IQSEC1: variants seen among roughly 807,000 people sequenced by gnomAD.
IQSEC1 encodes IQ motif and Sec7 domain ArfGEF 1, also known as IQ motif and SEC7 domain-containing protein 1.
A neutral mutation model predicts 91.0 loss-of-function variants in IQSEC1; 31 were observed. The ratio of observed to expected loss-of-function variants is 0.34; its 90% confidence interval spans 0.26 to 0.46. The LOEUF (loss-of-function observed/expected upper bound fraction) is 0.46, where lower values mean the gene tolerates loss of function less well. Ranked by LOEUF, IQSEC1 falls within the 20% of genes least tolerant of loss-of-function variation. IQSEC1 has a pLI of 1.00. For missense variants in IQSEC1, 1,388 were observed against 1,575.6 expected (o/e 0.88, Z 2.02); for synonymous variants, 699 against 662.6 (o/e 1.05, Z -0.84).
At chr3:13,180,514 G>T (rs1329740256) in intron 1 of IQSEC1, among the ~76,000 whole-genome samples, 2 of 152,104 alleles carry the variant, frequency 1.3e-5, no homozygotes, top group Non-Finnish European at 2.9e-5. Context: ...GGATGTGGGT[G>T]GGGCCAGATA....
intron 1 of IQSEC1, among the ~76,000 whole-genome samples, chr3:13,171,381 C>A (rs1427201025): frequency 1.3e-5 from 2 of 152,166 alleles, no homozygotes; most frequent in Non-Finnish European, 2.9e-5. Flanking sequence ...AGGCTTAAAC[C>A]ATTTGTACCT....
At position 13,178,332 on chromosome 3, in the gene IQSEC1, G is replaced by A. The variant is rs542011087; in HGVS notation, c.273-14199C>T. The stretch of plus-strand genomic sequence containing the variant: ...AATCAGCAAATGAGCAAATAAAGAG[G>A]CAATTTCAGACACTGGGAAGTGCTA... On this transcript the variant is annotated intron_variant, in intron 1 of 15. Coordinates refer to the IQSEC1 transcript ENST00000648114. Among the ~76,000 whole-genome samples, 6 of 152,336 alleles carry A rather than the reference G, an allele frequency of 3.9e-5. No individual in the cohort carries two copies. In the South Asian group the frequency reaches 1.2e-3, roughly 32 times the overall value.
intron 1 of IQSEC1, among the ~76,000 whole-genome samples, chr3:12,968,341 C>G (rs1227449596): frequency 6.6e-6 from 1 of 152,094 alleles, no homozygotes; most frequent in Non-Finnish European, 1.5e-5. Flanking sequence ...GCTTCTTTCT[C>G]CCTAAGCCCA....
chr3:13,018,333 C>T (rs1576172815), intron 1 of IQSEC1, among the ~76,000 whole-genome samples: 1 of 152,274 alleles, frequency 6.6e-6, no homozygotes, highest in South Asian at 2.1e-4. Flanking sequence ...CAGATGCAGC[C>T]ACGGTGGGAA....
At chr3:12,920,902 G>A (rs902798127) in intron 5 of IQSEC1, among the ~76,000 whole-genome samples, 2 of 152,206 alleles carry the variant, frequency 1.3e-5, no homozygotes, top group East Asian at 3.9e-4. Context: ...CATGTGATGT[G>A]AGTGCCTGTA....
At chr3:13,045,741 G>A (rs1051220892) in intron 1 of IQSEC1, among the ~76,000 whole-genome samples, 1 of 152,262 alleles carries the variant, frequency 6.6e-6, no homozygotes, top group African/African-American at 2.4e-5. Context: ...AGTGGCGCCC[G>A]TGGCATGGGT....
In IQSEC1 at chr3:12,898,762, T is replaced by A. The variant is rs1462014682; in HGVS notation, c.*2221A>T. 1 of 152,874 alleles carries A rather than the reference T, an allele frequency of 6.5e-6. No individual in the cohort carries two copies. The highest frequency in any genetic ancestry group is 1.5e-5 in the Non-Finnish European group (1 of 68,572). The allele number at this position is 152,874 out of a possible 1,614,324, so 9.5% of individuals were successfully genotyped here. On this transcript the variant is annotated 3_prime_UTR_variant, in exon 14 of 14. Transcript: ENST00000613206. Reference sequence around the variant, plus strand: ...ATGTGTTTACAGTCACGCCAATACATTTTGCAAACGCACAACACGCAGAGC... The same window carrying A: ...ATGTGTTTACAGTCACGCCAATACAATTTGCAAACGCACAACACGCAGAGC...
chr3:12,903,251 G>A (rs748811318), intron 12 of IQSEC1, among the ~76,000 whole-genome samples: 14 of 152,184 alleles, frequency 9.2e-5, no homozygotes, highest in African/African-American at 1.4e-4. Context: ...GGTACTGCAT[G>A]CCTACCTTCA....
At position 12,901,175 on chromosome 3, in the gene IQSEC1, G is replaced by T; in HGVS notation, c.3153C>A (p.His1051Gln). Residue 1051 changes from histidine to glutamine, a missense_variant, in exon 14 of 14, where the codon CAC (histidine) becomes CAA (glutamine). Physicochemically the swap from His to Gln is conservative, Grantham distance 24 (BLOSUM62 0). This residue lies in a region of IQSEC1 where 329 missense variants were observed against 257.8 expected (regional missense o/e 1.28). Coordinates refer to ENST00000613206, the MANE Select transcript of IQSEC1 (RefSeq NM_001134382.3). ...GGTGGTACTGGTGTGCGTGCTGGAT[G>T]TGCTGGGGTGGGTGGTGGTGGTGGT... is the stretch of plus-strand genomic sequence containing the variant. ...HHHHHHHPPQ[H>Q]IQHAHQYHHG... The T allele has an allele frequency of 6.5e-7, 1 of 1,543,726 alleles. No individual in the cohort carries two copies.
chr3:12,992,339 G>A lies in IQSEC1; in HGVS notation c.24-50474C>T, dbSNP rs865935698. ...CACCTCTCAGTTTATCTTTTCCTGT[G>A]GGGGGTGGGGGGTGGGAGGAGATGG... On this transcript the variant is annotated intron_variant, in intron 1 of 13. Transcript: ENST00000613206. This position sits in a 1 kb window ranked among gnomAD's most constrained non-coding sequence, Gnocchi z 4.1. Among the ~76,000 whole-genome samples the A allele has an allele frequency of 5.0e-5, 6 of 120,206 alleles. No individual in the cohort carries two copies. In the South Asian group the frequency reaches 9.8e-4, roughly 20 times the overall value. The allele number at this position is 120,206 out of a possible 152,430, so 78.9% of individuals were successfully genotyped here. A position where few individuals can be genotyped will look rare whatever the true frequency, so the allele number is the denominator to read the frequency against.
In IQSEC1 at chr3:12,934,449, C is replaced by T. The variant is rs143709446; in HGVS notation, c.1568+999G>A. Among the ~76,000 whole-genome samples, 1,044 of 152,296 alleles carry T rather than the reference C, an allele frequency of 6.9e-3. 16 individuals carry two copies. The highest frequency in any genetic ancestry group is 0.024 in the African/African-American group (1,010 of 41,562). ...AACAGGGGGCAGACGGAGCAGGGAG[C>T]CAGCTCAGGCACTGGCTTTGAGGTG... is the stretch of plus-strand genomic sequence containing the variant. On this transcript the variant is annotated intron_variant, in intron 3 of 13. Coordinates refer to ENST00000613206, the MANE Select transcript of IQSEC1 (RefSeq NM_001134382.3).
chr3:13,053,891 C>T (rs1423577054), intron 1 of IQSEC1, among the ~76,000 whole-genome samples: 1 of 152,262 alleles, frequency 6.6e-6, no homozygotes, highest in Non-Finnish European at 1.5e-5. Context: ...ATAAAATTAT[C>T]CACCATTCCA....
At chr3:12,913,139 GC>G (rs1488462826) in intron 9 of IQSEC1, among the ~76,000 whole-genome samples, 1 of 152,246 alleles carries the variant, frequency 6.6e-6, no homozygotes, top group Non-Finnish European at 1.5e-5. Flanking sequence ...GAAGGGGCCT[GC>G]CCGAGGAAGC....
chr3:13,272,066 G>C (rs893151077), intron 1 of IQSEC1, among the ~76,000 whole-genome samples: 1 of 152,124 alleles, frequency 6.6e-6, no homozygotes, highest in African/African-American at 2.4e-5. Flanking sequence ...AATTTAAAAG[G>C]ACTGAAATCA....
intron 2 of IQSEC1, among the ~76,000 whole-genome samples, chr3:13,102,535 G>A (rs1706083615): frequency 6.6e-6 from 1 of 152,178 alleles, no homozygotes; most frequent in African/African-American, 2.4e-5. Context: ...GTGCTTCACG[G>A]GGGTCTGGCA....
intron 1 of IQSEC1, among the ~76,000 whole-genome samples, chr3:13,234,200 G>GTGCGCCTGTGGGTGTGAGCCCCCGTGTC (rs1694882383): frequency 7.2e-6 from 1 of 138,038 alleles, no homozygotes; most frequent in Non-Finnish European, 1.6e-5. Flanking sequence ...CCATGTCTGT[G>GTGCGCCTGTGGGTGTGAGCCCCCGTGTC]TGTGCCTGTG....
intron 1 of IQSEC1, chr3:13,053,045 C>T (rs1704746340): frequency 1.8e-6 from 2 of 1,117,786 alleles, no homozygotes; most frequent in Non-Finnish European, 2.7e-6. Context: ...TCATCCGAAT[C>T]CACGGGGGAA....
intron 12 of IQSEC1, among the ~76,000 whole-genome samples, chr3:12,907,888 G>A (rs1695149611): frequency 6.6e-6 from 1 of 152,216 alleles, no homozygotes. Flanking sequence ...CCCAGGAGAG[G>A]AGGCCCCGCA....
chr3:12,924,865 A>G lies in IQSEC1; in HGVS notation c.1569-123T>C. On this transcript the variant is annotated intron_variant, in intron 3 of 13. Coordinates refer to ENST00000613206, the MANE Select transcript of IQSEC1 (RefSeq NM_001134382.3). The surrounding 1 kb of genome is among the most constrained non-coding windows in gnomAD (Gnocchi z 6.3). ...TCCCTGCCCACCTGCACCGGCCTTC[A>G]TCCCTGTAGGCATTCAGGGGTCTCT... 1.1e-6 allele frequency: 1 copy of G among 897,506 alleles called. No homozygotes were observed. Among genetic ancestry groups the G allele is most frequent in the Non-Finnish European group, 1.6e-6 (1 of 608,624 alleles). 55.6% of individuals were successfully genotyped at this position (897,506 alleles called of 1,614,324 possible). A position where few individuals can be genotyped will look rare whatever the true frequency, so the allele number is the denominator to read the frequency against.
Sources: allele counts gnomAD v4.1 joint callset (sites outside exome capture counted in the v4.1 genomes callset), GRCh38; gene constraint gnomAD v4.1.1; regional missense constraint gnomAD v4.1.1; non-coding constraint Gnocchi (gnomAD v3.1); transcripts MANE v1.5; gene names NCBI Gene and HGNC (gene_info 2026-07-23, HGNC 2026-07-21).